Variants in TRAPPC9 observed in about 807,000 individuals in gnomAD.
The protein encoded by TRAPPC9 is IKK2 binding protein.
In TRAPPC9, 83 loss-of-function variants were observed where a neutral mutation model predicts 124.0. That is an observed-to-expected ratio of 0.67 (90% confidence interval 0.56 to 0.80). The LOEUF is 0.80. Ranked by LOEUF, TRAPPC9 falls within the 30% of genes least tolerant of loss-of-function variation. The pLI, the probability that TRAPPC9 is intolerant of heterozygous loss-of-function variation, is 0.00. For synonymous variants in TRAPPC9, 638 were observed against 617.5 expected (o/e 1.03, Z -0.49); for missense variants, 1,302 against 1,508.3 (o/e 0.86, Z 2.27).
At chr8:140,426,843 T>C (rs963432427) in intron 4 of TRAPPC9, among the ~76,000 whole-genome samples, 4 of 152,244 alleles carry the variant, frequency 2.6e-5, no homozygotes, top group African/African-American at 9.6e-5. Flanking sequence ...GAAAAGCTAC[T>C]ATTACTCATA....
intron 17 of TRAPPC9, among the ~76,000 whole-genome samples, chr8:140,211,790 C>T (rs2063068110): frequency 6.6e-6 from 1 of 152,162 alleles, no homozygotes; most frequent in Non-Finnish European, 1.5e-5. Context: ...GGCTGTCTGG[C>T]CTCACTGTCT....
intron 21 of TRAPPC9, among the ~76,000 whole-genome samples, chr8:139,760,068 G>A (rs892353457): frequency 4.6e-5 from 7 of 152,232 alleles, no homozygotes; most frequent in African/African-American, 1.7e-4. Flanking sequence ...GCATGTGTGC[G>A]TTTGTGCACA....
intron 9 of TRAPPC9, among the ~76,000 whole-genome samples, chr8:140,313,123 A>T (rs1377930855): frequency 6.6e-6 from 1 of 152,238 alleles, no homozygotes; most frequent in Non-Finnish European, 1.5e-5. Context: ...TTTGAATACA[A>T]CACAACAATG....
At chr8:140,148,430 AGTGTCCTTC>A (rs2130811458) in intron 17 of TRAPPC9, among the ~76,000 whole-genome samples, 1 of 152,286 alleles carries the variant, frequency 6.6e-6, no homozygotes, top group East Asian at 1.9e-4. Context: ...GAAAATTCCC[AGTGTCCTTC>A]ATGGACTCAC....
chr8:140,310,632 C>T (rs767818284), intron 10 of TRAPPC9, among the ~76,000 whole-genome samples: 19 of 152,224 alleles, frequency 1.2e-4, no homozygotes, highest in African/African-American at 3.4e-4. Context: ...ACAGAAAGGA[C>T]GGCACATGGC....
intron 21 of TRAPPC9, among the ~76,000 whole-genome samples, chr8:139,823,704 C>T (rs1420816981): frequency 1.3e-5 from 2 of 152,224 alleles, no homozygotes; most frequent in Non-Finnish European, 2.9e-5. Flanking sequence ...GGAAGCCCTG[C>T]AGCAGAGGTG....
At position 140,073,048 on chromosome 8, in the gene TRAPPC9, T is replaced by C. The variant is rs76286388; in HGVS notation, c.2557-48969A>G. On this transcript the variant is annotated intron_variant, in intron 17 of 22. Coordinates refer to ENST00000438773, the MANE Select transcript of TRAPPC9 (RefSeq NM_001160372.4). ...CTACAGTTTTAGAATGTGATCCCAC[T>C]GTACCATGGTGAAGGCGCACAGCAC... 7.0e-3 allele frequency among the ~76,000 whole-genome samples: 1,059 copies of C among 152,322 alleles called. 13 individuals are homozygous for C. Among genetic ancestry groups the C allele is most frequent in the African/African-American group, 0.024 (1,017 of 41,572 alleles).
chr8:140,440,234 G>A (rs911990354), intron 2 of TRAPPC9, among the ~76,000 whole-genome samples: 1 of 152,220 alleles, frequency 6.6e-6, no homozygotes, highest in Non-Finnish European at 1.5e-5. Flanking sequence ...CTAGCAGGGT[G>A]CAGTGGCTCA....
Position 140,233,623 on chromosome 8 carries a change from C to CCACACA in TRAPPC9, c.2432-12046_2432-12041dup, listed in dbSNP as rs35452775. ...CCCTCCCTCCCTCCCTCTCTCCCCACCACACACACACACACACACACACAC... is the reference window on the plus strand; with the variant it reads ...CCCTCCCTCCCTCCCTCTCTCCCCACCACACACACACACACACACACACACACACAC... On this transcript the variant is annotated intron_variant, in intron 16 of 22. Transcript: ENST00000438773. Among the ~76,000 whole-genome samples, 871 of 90,848 alleles carry CCACACA rather than the reference C, an allele frequency of 9.6e-3. 21 individuals are homozygous for CCACACA. The highest frequency in any genetic ancestry group is 0.034 in the African/African-American group (786 of 22,960). 59.6% of individuals were successfully genotyped at this position (90,848 alleles called of 152,430 possible). A position where few individuals can be genotyped will look rare whatever the true frequency, so the allele number is the denominator to read the frequency against.
At chr8:139,968,716 C>A (rs1198708051) in intron 19 of TRAPPC9, among the ~76,000 whole-genome samples, 1 of 152,194 alleles carries the variant, frequency 6.6e-6, no homozygotes, top group Non-Finnish European at 1.5e-5. Flanking sequence ...ACAGGCACTA[C>A]ACCAGGTGCA....
intron 13 of TRAPPC9, among the ~76,000 whole-genome samples, chr8:140,286,054 G>A (rs10096733): frequency 0.57 from 86,277 of 152,128 alleles, 26,267 homozygotes; most frequent in African/African-American, 0.75. Context: ...CAGGAAGGAG[G>A]CCACCGCACA....
intron 9 of TRAPPC9, among the ~76,000 whole-genome samples, chr8:140,340,139 C>T (rs2067152308): frequency 6.6e-6 from 1 of 152,214 alleles, no homozygotes; most frequent in South Asian, 2.1e-4. Flanking sequence ...TGAGCCACTG[C>T]ACCCAGCCAA....
At chr8:139,775,892 T>C (rs1310899176) in intron 21 of TRAPPC9, among the ~76,000 whole-genome samples, 4 of 152,204 alleles carry the variant, frequency 2.6e-5, no homozygotes, top group African/African-American at 9.7e-5. Flanking sequence ...CCCTCGTCCA[T>C]TTCCACAGAT....
At chr8:139,996,948 C>T (rs1201335408) in intron 18 of TRAPPC9, among the ~76,000 whole-genome samples, 2 of 152,132 alleles carry the variant, frequency 1.3e-5, no homozygotes, top group Non-Finnish European at 2.9e-5. Context: ...GATTTTGCCA[C>T]GTTGGCCAGG....
intron 17 of TRAPPC9, among the ~76,000 whole-genome samples, chr8:140,077,443 CAG>C (rs1381524406): frequency 6.6e-6 from 1 of 152,144 alleles, no homozygotes; most frequent in African/African-American, 2.4e-5. Context: ...TCTGTCATCT[CAG>C]AGAGTTAGGT....
chr8:139,812,569 C>A (rs1174758641), intron 21 of TRAPPC9, among the ~76,000 whole-genome samples: 3 of 152,140 alleles, frequency 2.0e-5, no homozygotes, highest in Non-Finnish European at 4.4e-5. Flanking sequence ...TCGTTATGTG[C>A]CTTGTGGAAC....
intron 15 of TRAPPC9, among the ~76,000 whole-genome samples, chr8:140,255,427 T>C (rs547319178): frequency 6.6e-6 from 1 of 152,338 alleles, no homozygotes; most frequent in Non-Finnish European, 1.5e-5. Context: ...CCACCTTGGA[T>C]GGTGTTCAGA....
At chr8:140,428,973 T>A (rs1260500561) in intron 4 of TRAPPC9, among the ~76,000 whole-genome samples, 1 of 152,094 alleles carries the variant, frequency 6.6e-6, no homozygotes, top group Non-Finnish European at 1.5e-5. Context: ...GATGTATAGA[T>A]GTATACATGG....
chr8:140,195,765 C>T (rs1325407169), intron 17 of TRAPPC9, among the ~76,000 whole-genome samples: 2 of 152,022 alleles, frequency 1.3e-5, no homozygotes, highest in Non-Finnish European at 2.9e-5. Flanking sequence ...ACAGCTCGCA[C>T]CTGTGACACT....
Sources: gnomAD v4.1 joint callset for allele counts (sites outside exome capture counted in the v4.1 genomes callset) on GRCh38, gnomAD v4.1.1 for gene constraint, MANE v1.5 for transcripts, NCBI Gene and HGNC (gene_info 2026-07-23, HGNC 2026-07-21) for gene names.